The following ZC2HC1B variants were observed in gnomAD, a reference collection of about 807,000 sequenced individuals.
ZC2HC1B encodes zinc finger C2HC domain-containing protein 1B.
In ZC2HC1B, 36 loss-of-function variants were observed where a neutral mutation model predicts 31.0. The observed-to-expected ratio is 1.16, with a 90% CI of 0.89 to 1.54. The LOEUF (loss-of-function observed/expected upper bound fraction) is 1.54, where lower values mean the gene tolerates loss of function less well. Among genes scored for constraint, ZC2HC1B ranks in the 40% most tolerant of loss-of-function variants. The pLI, the probability that ZC2HC1B is intolerant of heterozygous loss-of-function variation, is 0.00. For missense variants in ZC2HC1B, 260 were observed against 268.6 expected (o/e 0.97, Z 0.22); for synonymous variants, 73 against 88.0 (o/e 0.83, Z 0.95).
At chr6:143,875,341 A>AGT (rs1777392953) in intron 1 of ZC2HC1B, among the ~76,000 whole-genome samples, 1 of 137,002 alleles carries the variant, frequency 7.3e-6, no homozygotes, top group African/African-American at 2.7e-5. Context: ...CCACTCCACC[A>AGT]TCATTATGCC....
At chr6:143,927,809 T>G (rs1778070379) in intron 6 of ZC2HC1B, among the ~76,000 whole-genome samples, 1 of 152,226 alleles carries the variant, frequency 6.6e-6, no homozygotes, top group African/African-American at 2.4e-5. Flanking sequence ...CTGTTATTTT[T>G]TGACTTTTTA....
Position 143,865,898 on chromosome 6 carries a change from C to G in ZC2HC1B, c.28+1331C>G, listed in dbSNP as rs1463365106. Among the ~76,000 whole-genome samples, 1 of 152,204 alleles carries G rather than the reference C, an allele frequency of 6.6e-6. No individual in the cohort carries two copies. Among genetic ancestry groups the G allele is most frequent in the Non-Finnish European group, 1.5e-5 (1 of 68,030 alleles). ...TAGTGCGATCTCATCTCACTGCAACCTCCAACTCCCGGGTTCAGGCGATTC... is the reference window on the plus strand; with the variant it reads ...TAGTGCGATCTCATCTCACTGCAACGTCCAACTCCCGGGTTCAGGCGATTC... On this transcript the variant is annotated intron_variant, in intron 1 of 7. Transcript: ENST00000237275. This position sits in a 1 kb window ranked among gnomAD's most constrained non-coding sequence, Gnocchi z 4.4.
Position 143,915,162 on chromosome 6 carries a change from A to T in ZC2HC1B, c.598+12010A>T, listed in dbSNP as rs1777902810. ...TGTGGGAGGGACCCAGTGGGAAGTA[A>T]TTGAATCATGGGGGCAAGTCTTCCC... On this transcript the variant is annotated intron_variant, in intron 6 of 7. Transcript: ENST00000237275. This position sits in a 1 kb window ranked among gnomAD's most constrained non-coding sequence, Gnocchi z 5.2. Among the ~76,000 whole-genome samples the T allele has an allele frequency of 6.6e-6, 1 of 152,156 alleles. No homozygotes were observed. Among genetic ancestry groups the T allele is most frequent in the African/African-American group, 2.4e-5 (1 of 41,438 alleles).
chr6:143,869,881 C>G lies in ZC2HC1B; in HGVS notation c.28+5314C>G, dbSNP rs949094597. On this transcript the variant is annotated intron_variant, in intron 1 of 7. Transcript: ENST00000237275. The surrounding 1 kb of genome is among the most constrained non-coding windows in gnomAD (Gnocchi z 5.2). ...CCACTTTGTTCATGGGCCCATTGGGCGACAACAGGGGTGGCTGGGGAAAGA... is the reference window on the plus strand; with the variant it reads ...CCACTTTGTTCATGGGCCCATTGGGGGACAACAGGGGTGGCTGGGGAAAGA... Among the ~76,000 whole-genome samples the G allele has an allele frequency of 2.6e-5, 4 of 152,274 alleles. No individual in the cohort carries two copies. Among genetic ancestry groups the G allele is most frequent in the Admixed American group, 2.6e-4 (4 of 15,302 alleles).
At chr6:143,919,219 G>C (rs112912757) in intron 6 of ZC2HC1B, among the ~76,000 whole-genome samples, 513 of 17,560 alleles carry the variant, frequency 0.029, 1 homozygote, top group African/African-American at 0.052. Context: ...GCTATTCTCT[G>C]TGTGTGTGTG....
chr6:143,912,209 C>G (rs1777868954), intron 6 of ZC2HC1B, among the ~76,000 whole-genome samples: 1 of 152,156 alleles, frequency 6.6e-6, no homozygotes, highest in African/African-American at 2.4e-5. Context: ...TGGTTTACAA[C>G]ATGCTCTTTT....
chr6:143,891,934 G>A (rs866875637), intron 4 of ZC2HC1B, among the ~76,000 whole-genome samples: 1 of 152,116 alleles, frequency 6.6e-6, no homozygotes, highest in African/African-American at 2.4e-5. Context: ...CTATCTGTGG[G>A]TAATTGATTT....
chr6:143,864,940 A>T (rs1223621336), intron 1 of ZC2HC1B, among the ~76,000 whole-genome samples: 2 of 152,246 alleles, frequency 1.3e-5, no homozygotes, highest in Non-Finnish European at 2.9e-5. Context: ...AAAAACAGCA[A>T]GAGTCTTAAT....
At chr6:143,936,951 G>A (rs1477950208) in intron 6 of ZC2HC1B, among the ~76,000 whole-genome samples, 1 of 152,162 alleles carries the variant, frequency 6.6e-6, no homozygotes, top group Admixed American at 6.5e-5. Context: ...TCCTTTGAGA[G>A]TTTGATTCAC....
At position 143,898,701 on chromosome 6, in the gene ZC2HC1B, TCTCCCCAGGTGTTGG is replaced by T. The variant is rs1390724348; in HGVS notation, c.489+14_489+28del. On this transcript the variant is annotated intron_variant, in intron 5 of 7. Coordinates refer to ENST00000237275, the MANE Select transcript of ZC2HC1B (RefSeq NM_001013623.3). ...GGCATCCAGAGCTCAGGTAACTATC[TCTCCCCAGGTGTTGG>T]CTCTTGTGCCCTTGAATGCCTAGGG... 9.7e-6 allele frequency: 15 copies of T among 1,551,954 alleles called. No individual in the cohort carries two copies. The highest frequency in any genetic ancestry group is 1.7e-4 in the Middle Eastern group (1 of 5,992).
At chr6:143,927,767 G>A (rs1778070036) in intron 6 of ZC2HC1B, among the ~76,000 whole-genome samples, 1 of 152,118 alleles carries the variant, frequency 6.6e-6, no homozygotes, top group Non-Finnish European at 1.5e-5. Flanking sequence ...ACATTTATAA[G>A]TGTTCCCTTT....
chr6:143,910,835 C>A (rs1242291534), intron 6 of ZC2HC1B, among the ~76,000 whole-genome samples: 3 of 152,166 alleles, frequency 2.0e-5, no homozygotes, highest in Non-Finnish European at 2.9e-5. Context: ...CTCATTGCAA[C>A]CTCCACCTCC....
At chr6:143,929,235 C>A (rs1778088990) in intron 6 of ZC2HC1B, among the ~76,000 whole-genome samples, 1 of 152,118 alleles carries the variant, frequency 6.6e-6, no homozygotes, top group African/African-American at 2.4e-5. Flanking sequence ...TTATACATGG[C>A]TTTTATTGTT....
chr6:143,938,032 G>T lies in ZC2HC1B; in HGVS notation c.*15-110G>T, dbSNP rs985393039. ...TCACAAAGAATAGTTCCCTGAGGGTGTGAATTGTTTGTAAAATAATTAAAA... is the reference window on the plus strand; with the variant it reads ...TCACAAAGAATAGTTCCCTGAGGGTTTGAATTGTTTGTAAAATAATTAAAA... On this transcript the variant is annotated intron_variant, in intron 7 of 7. Coordinates refer to ENST00000237275, the MANE Select transcript of ZC2HC1B (RefSeq NM_001013623.3). The surrounding 1 kb of genome is among the most constrained non-coding windows in gnomAD (Gnocchi z 4.2). 1 of 191,036 alleles carries T rather than the reference G, an allele frequency of 5.2e-6. No homozygotes were observed. Among genetic ancestry groups the T allele is most frequent in the African/African-American group, 2.3e-5 (1 of 42,786 alleles). The allele number at this position is 191,036 out of a possible 1,614,324, so 11.8% of individuals were successfully genotyped here.
intron 6 of ZC2HC1B, among the ~76,000 whole-genome samples, chr6:143,925,781 C>T (rs995415036): frequency 1.3e-5 from 2 of 151,682 alleles, no homozygotes; most frequent in Non-Finnish European, 2.9e-5. Context: ...TCAGGAAGCC[C>T]ACCTTGGCCT....
intron 6 of ZC2HC1B, 71 bp from the exon 7 acceptor site, chr6:143,937,578 C>A: frequency 1.5e-6 from 2 of 1,297,604 alleles, no homozygotes; most frequent in Non-Finnish European, 1.0e-6. Flanking sequence ...GTGGGGATTT[C>A]ACAATCATGT....
intron 6 of ZC2HC1B, among the ~76,000 whole-genome samples, chr6:143,929,294 G>A (rs1778089656): frequency 6.6e-6 from 1 of 152,138 alleles, no homozygotes. Flanking sequence ...ATCATGATAG[G>A]ATGGTCAATT....
chr6:143,926,920 C>T lies in ZC2HC1B; in HGVS notation c.599-10729C>T, dbSNP rs370736393. ...CCGCTTCCCGGGTTCACGCCATTCT[C>T]CTGCCTCAGCCTCCCGAGTAGCTGG... is the stretch of plus-strand genomic sequence containing the variant. On this transcript the variant is annotated intron_variant, in intron 6 of 7. Coordinates refer to ENST00000237275, the MANE Select transcript of ZC2HC1B (RefSeq NM_001013623.3). Among the ~76,000 whole-genome samples the T allele has an allele frequency of 2.2e-3, 306 of 138,124 alleles. 14 individuals carry two copies. In the East Asian group the frequency reaches 0.039, roughly 18 times the overall value. 90.6% of individuals were successfully genotyped at this position (138,124 alleles called of 152,430 possible). A position where few individuals can be genotyped will look rare whatever the true frequency, so the allele number is the denominator to read the frequency against.
chr6:143,920,145 G>A (rs1777971191), intron 6 of ZC2HC1B, among the ~76,000 whole-genome samples: 1 of 151,866 alleles, frequency 6.6e-6, no homozygotes, highest in South Asian at 2.1e-4. Flanking sequence ...ATTTTCCAGA[G>A]ATAATACATA....
Sources: allele counts gnomAD v4.1 joint callset (sites outside exome capture counted in the v4.1 genomes callset), GRCh38; gene constraint gnomAD v4.1.1; non-coding constraint Gnocchi (gnomAD v3.1); transcripts MANE v1.5; gene names NCBI Gene and HGNC (gene_info 2026-07-23, HGNC 2026-07-21).